PDS5B: variants seen among roughly 807,000 people sequenced by gnomAD.
The protein encoded by PDS5B is PDS5 cohesin associated factor B, also known as sister chromatid cohesion protein PDS5 homolog B.
Under a neutral mutation model 184.1 loss-of-function variants are expected in PDS5B, and 51 were observed. That is an observed-to-expected ratio of 0.28 (90% CI 0.22 to 0.35). PDS5B has a LOEUF of 0.35. Among genes scored for constraint, PDS5B ranks in the 10% least tolerant of loss-of-function variants. PDS5B has a pLI of 1.00. For missense variants in PDS5B, 1,180 were observed against 1,723.3 expected (o/e 0.68, Z 5.58); for synonymous variants, 566 against 569.2 (o/e 0.99, Z 0.08).
intron 31 of PDS5B, 35 bp from the exon 32 acceptor site, chr13:32,770,086 C>A (rs1251644104): frequency 6.5e-7 from 1 of 1,538,004 alleles, no homozygotes; most frequent in South Asian, 1.2e-5. Flanking sequence ...CTCACAATTT[C>A]ATAACCATAA....
Position 32,750,190 on chromosome 13 carries a change from T to G in PDS5B, c.2737-3142T>G, listed in dbSNP as rs185356299. 6.1e-4 allele frequency among the ~76,000 whole-genome samples: 93 copies of G among 152,320 alleles called. No individual in the cohort carries two copies. The Middle Eastern group carries it at 0.01, about 17-fold the overall frequency. On this transcript the variant is annotated intron_variant, in intron 24 of 34. Transcript: ENST00000315596. Reference sequence around the variant, plus strand: ...AGTTCTCTAACATCACTTTGATGACTTTTTGAAAACCTGCTACTTGTGTGA... The same window carrying G: ...AGTTCTCTAACATCACTTTGATGACGTTTTGAAAACCTGCTACTTGTGTGA...
At chr13:32,750,847 CTGTGTG>C (rs71194534) in intron 24 of PDS5B, among the ~76,000 whole-genome samples, 2,244 of 143,474 alleles carry the variant, frequency 0.016, 21 homozygotes, top group African/African-American at 0.024. Context: ...CGGCCTCCCT[CTGTGTG>C]TGTGTGTGTG....
At chr13:32,742,092 A>G (rs774471382) in intron 22 of PDS5B, among the ~76,000 whole-genome samples, 24 of 152,212 alleles carry the variant, frequency 1.6e-4, no homozygotes, top group Non-Finnish European at 3.2e-4. Flanking sequence ...CTGAGCTAAT[A>G]TGTGAAAGAT....
chr13:32,679,006 A>G (rs1013400702), intron 10 of PDS5B, 77 bp downstream of exon 10: 1 of 733,726 alleles, frequency 1.4e-6, no homozygotes, highest in Non-Finnish European at 2.3e-6. Context: ...GGGGAAAAAA[A>G]ACCCCTTTTT....
At chr13:32,707,588 C>T (rs948768053) in intron 18 of PDS5B, among the ~76,000 whole-genome samples, 3 of 140,034 alleles carry the variant, frequency 2.1e-5, no homozygotes, top group Non-Finnish European at 3.1e-5. Flanking sequence ...GCATTTTTCT[C>T]GGTGTTTTTC....
chr13:32,655,374 A>ATATATATATTTTTTTTTTT, intron 3 of PDS5B, among the ~76,000 whole-genome samples: 1 of 72,466 alleles, frequency 1.4e-5, no homozygotes, highest in Non-Finnish European at 2.2e-5. Flanking sequence ...ATATATATAT[A>ATATATATATTTTTTTTTTT]TTTTTTTTTT....
At chr13:32,715,810 C>G (rs561012169) in intron 19 of PDS5B, among the ~76,000 whole-genome samples, 1 of 150,386 alleles carries the variant, frequency 6.6e-6, no homozygotes, top group Admixed American at 6.6e-5. Context: ...AGGTGCGCGC[C>G]GCCACGCCTG....
At chr13:32,650,376 A>G (rs1206151158) in intron 2 of PDS5B, 2 of 152,182 alleles carry the variant, frequency 1.3e-5, no homozygotes, top group Non-Finnish European at 2.9e-5. Context: ...CCTCCTTCTT[A>G]GAAAAATATG....
rs542088998 is a variant in PDS5B, at chr13:32,776,893, TACA to T, written c.*1846_*1848del. The stretch of plus-strand genomic sequence containing the variant: ...TCTCCATATTCAACTATTCTTCATT[TACA>T]ACAATAGTGACACCAGTAATTATGA... On this transcript the variant is annotated 3_prime_UTR_variant, in exon 35 of 35. Transcript: ENST00000315596. 219 of 152,614 alleles carry T rather than the reference TACA, an allele frequency of 1.4e-3. 1 individual carries two copies. Among genetic ancestry groups the T allele is most frequent in the African/African-American group, 4.9e-3 (202 of 41,578 alleles). The allele number at this position is 152,614 out of a possible 1,614,324, so 9.5% of individuals were successfully genotyped here.
intron 24 of PDS5B, among the ~76,000 whole-genome samples, chr13:32,750,444 CG>C (rs1160610472): frequency 1.3e-5 from 2 of 152,074 alleles, no homozygotes; most frequent in Non-Finnish European, 2.9e-5. Flanking sequence ...ATACTGAGGG[CG>C]GGGTGAGTTA....
chr13:32,704,360 G>A (rs1951946348), intron 17 of PDS5B, among the ~76,000 whole-genome samples: 1 of 152,070 alleles, frequency 6.6e-6, no homozygotes, highest in Admixed American at 6.5e-5. Flanking sequence ...GTAGAAATGG[G>A]GTTTCACCGT....
At chr13:32,695,029 A>G (rs1593446319) in intron 14 of PDS5B, among the ~76,000 whole-genome samples, 1 of 151,882 alleles carries the variant, frequency 6.6e-6, no homozygotes, top group Non-Finnish European at 1.5e-5. Flanking sequence ...GACAGAGGTC[A>G]ATGGAGCAGT....
In PDS5B at chr13:32,759,682, C is replaced by T. The variant is rs1954307239; in HGVS notation, c.3364C>T (p.Pro1122Ser). The stretch of plus-strand genomic sequence containing the variant: ...TCCTGAAATGAAATCATTTTTCACT[C>T]CTGGAAAAGTATGTTTTGAGAATCA... ...LPPEMKSFFT[P>S]GKPKTTNVLG... Residue 1122 changes from proline (P) to serine (S), a missense_variant, in exon 29 of 35, where the codon CCT (proline) becomes TCT (serine). This residue lies in a region of PDS5B where 465 missense variants were observed against 497.8 expected (regional missense o/e 0.93). Coordinates refer to ENST00000315596, the MANE Select transcript of PDS5B (RefSeq NM_015032.4). The T allele has an allele frequency of 6.5e-7, 1 of 1,543,874 alleles. No individual in the cohort carries two copies. Among genetic ancestry groups the T allele is most frequent in the Non-Finnish European group, 8.9e-7 (1 of 1,126,634 alleles).
intron 24 of PDS5B, among the ~76,000 whole-genome samples, chr13:32,751,516 C>G (rs898596457): frequency 6.6e-6 from 1 of 152,196 alleles, no homozygotes; most frequent in African/African-American, 2.4e-5. Flanking sequence ...GTCTCACCAG[C>G]ATCTATTATT....
chr13:32,607,395 T>C (rs923723465), intron 1 of PDS5B, among the ~76,000 whole-genome samples: 12 of 152,262 alleles, frequency 7.9e-5, no homozygotes, highest in Non-Finnish European at 1.5e-4. Flanking sequence ...GAACGGCAAA[T>C]GTTGCTGCCT....
chr13:32,672,681 A>G (rs1950968866), intron 7 of PDS5B, among the ~76,000 whole-genome samples: 2 of 152,136 alleles, frequency 1.3e-5, no homozygotes, highest in South Asian at 2.1e-4. Context: ...AGGATAGGAG[A>G]TGAATGTCCC....
chr13:32,631,699 CTAAGT>C (rs2058458484), intron 1 of PDS5B, among the ~76,000 whole-genome samples: 1 of 152,068 alleles, frequency 6.6e-6, no homozygotes, highest in African/African-American at 2.4e-5. Flanking sequence ...GAGTTCTTAC[CTAAGT>C]TGTCAGTTGG....
At chr13:32,706,499 C>T (rs778375094) in intron 17 of PDS5B, among the ~76,000 whole-genome samples, 1 of 151,940 alleles carries the variant, frequency 6.6e-6, no homozygotes, top group Non-Finnish European at 1.5e-5. Context: ...GACAGCTGTG[C>T]GTGACACACA....
chr13:32,709,128 T>C (rs1952120229), intron 18 of PDS5B, among the ~76,000 whole-genome samples: 2 of 152,226 alleles, frequency 1.3e-5, no homozygotes, highest in African/African-American at 4.8e-5. Context: ...TAGAAACTTA[T>C]AAATGTGGCA....
Sources: gnomAD v4.1 joint callset for allele counts (sites outside exome capture counted in the v4.1 genomes callset) on GRCh38, gnomAD v4.1.1 for gene constraint, gnomAD v4.1.1 regional missense constraint, MANE v1.5 for transcripts, NCBI Gene and HGNC (gene_info 2026-07-23, HGNC 2026-07-21) for gene names.